CDH13: variants seen among roughly 807,000 people sequenced by gnomAD.
CDH13 encodes the protein cadherin-13.
Under a neutral mutation model 63.8 loss-of-function variants are expected in CDH13, and 24 were observed. The observed-to-expected ratio is 0.38, with a 90% confidence interval of 0.27 to 0.53. The LOEUF is 0.53. CDH13 is among the 20% of genes least tolerant of loss of function. The pLI is 0.85. For missense variants in CDH13, 1,049 were observed against 903.1 expected (o/e 1.16, Z -2.07); for synonymous variants, 503 against 355.3 (o/e 1.42, Z -4.67).
chr16:83,370,788 CA>C (rs2091352401), intron 6 of CDH13, among the ~76,000 whole-genome samples: 1 of 152,182 alleles, frequency 6.6e-6, no homozygotes, highest in African/African-American at 2.4e-5. Flanking sequence ...CATGTCACTG[CA>C]AAGGACATGA....
chr16:82,777,288 C>G (rs917402008), intron 1 of CDH13, among the ~76,000 whole-genome samples: 2 of 152,172 alleles, frequency 1.3e-5, no homozygotes, highest in Non-Finnish European at 2.9e-5. Flanking sequence ...CTTGTAGCTG[C>G]TTTATAGAAG....
chr16:83,689,058 C>G (rs966329902), intron 10 of CDH13, among the ~76,000 whole-genome samples: 1 of 152,098 alleles, frequency 6.6e-6, no homozygotes, highest in Non-Finnish European at 1.5e-5. Flanking sequence ...GGCTATTTTA[C>G]AAATCGACCA....
intron 11 of CDH13, among the ~76,000 whole-genome samples, chr16:83,768,745 TG>T (rs1432851425): frequency 1.3e-5 from 2 of 152,160 alleles, no homozygotes; most frequent in African/African-American, 4.8e-5. Context: ...CCATGGCATT[TG>T]TAAACTGTCA....
chr16:82,633,897 A>G (rs765739242), intron 1 of CDH13, among the ~76,000 whole-genome samples: 4 of 152,240 alleles, frequency 2.6e-5, no homozygotes, highest in Non-Finnish European at 5.9e-5. Context: ...CCATAGCTAC[A>G]GACCCCAAAG....
At chr16:83,729,595 C>T (rs924678891) in intron 10 of CDH13, among the ~76,000 whole-genome samples, 2 of 152,172 alleles carry the variant, frequency 1.3e-5, no homozygotes, top group African/African-American at 2.4e-5. Flanking sequence ...AGCTGTGTGT[C>T]CTGGACCCAG....
At chr16:83,446,316 AG>A (rs368667751) in intron 6 of CDH13, among the ~76,000 whole-genome samples, 5 of 150,486 alleles carry the variant, frequency 3.3e-5, no homozygotes, top group Non-Finnish European at 7.4e-5. Flanking sequence ...AAAAAAAAAA[AG>A]AAAGAAAGAA....
At chr16:83,656,828 G>A (rs762283414) in intron 8 of CDH13, among the ~76,000 whole-genome samples, 3 of 152,170 alleles carry the variant, frequency 2.0e-5, no homozygotes, top group Non-Finnish European at 2.9e-5. Context: ...AAGACAGCAT[G>A]GTGTAAGGAA....
At chr16:83,019,527 G>A (rs1168050585) in intron 2 of CDH13, among the ~76,000 whole-genome samples, 8 of 140,544 alleles carry the variant, frequency 5.7e-5, no homozygotes, top group African/African-American at 8.1e-5. Flanking sequence ...ACAGGGTCTC[G>A]CTCTGTCACC....
chr16:82,646,881 C>A (rs534698895), intron 1 of CDH13, among the ~76,000 whole-genome samples: 1 of 152,248 alleles, frequency 6.6e-6, no homozygotes, highest in Non-Finnish European at 1.5e-5. Flanking sequence ...ATACTCACAG[C>A]ACGTTCAGGG....
At chr16:82,768,295 T>C (rs549416292) in intron 1 of CDH13, among the ~76,000 whole-genome samples, 2 of 152,302 alleles carry the variant, frequency 1.3e-5, no homozygotes, top group East Asian at 3.9e-4. Context: ...ACCTGCTAGT[T>C]GATAATGATG....
intron 2 of CDH13, among the ~76,000 whole-genome samples, chr16:82,999,875 C>G (rs1912674346): frequency 6.6e-6 from 1 of 152,018 alleles, no homozygotes; most frequent in South Asian, 2.1e-4. Flanking sequence ...GCACCAGTAG[C>G]TCTAAACCCG....
chr16:83,022,479 TTGG>T (rs1413834156), intron 2 of CDH13, among the ~76,000 whole-genome samples: 8 of 152,320 alleles, frequency 5.3e-5, no homozygotes, highest in Non-Finnish European at 8.8e-5. Context: ...TGAAGGCACA[TTGG>T]TACCTTGAAA....
chr16:83,406,573 C>T (rs866241002), intron 6 of CDH13, among the ~76,000 whole-genome samples: 2 of 152,182 alleles, frequency 1.3e-5, no homozygotes, highest in African/African-American at 4.8e-5. Flanking sequence ...CAGCGATTCT[C>T]CTGCCTTAGC....
In CDH13 at chr16:83,125,430, A is replaced by T; in HGVS notation, c.412A>T (p.Arg138Trp). The change falls in exon 4 of 14, where the codon AGG (arginine) becomes TGG (tryptophan). Residue 138 changes from arginine (R) to tryptophan (W), a missense_variant. By Grantham distance (101) the Arg-to-Trp change is moderately radical. Transcript: ENST00000567109. Reference sequence around the variant, plus strand: ...AACTTCTCCTGTCCCAAGACAAAAGAGGTCCATTGTGGTATCTCCCATTTT... The same window carrying T: ...AACTTCTCCTGTCCCAAGACAAAAGTGGTCCATTGTGGTATCTCCCATTTT... The part of the protein sequence containing the change: ...ARTSPVPRQK[R>W]SIVVSPILIP... The T allele has an allele frequency of 6.2e-7, 1 of 1,611,722 alleles. No homozygotes were observed. The highest frequency in any genetic ancestry group is 8.5e-7 in the Non-Finnish European group (1 of 1,177,850).
chr16:82,866,605 G>T (rs1262169706), intron 2 of CDH13, among the ~76,000 whole-genome samples: 1 of 151,658 alleles, frequency 6.6e-6, no homozygotes, highest in African/African-American at 2.4e-5. Context: ...GGCCAGACTG[G>T]TCTCGTATTA....
intron 4 of CDH13, among the ~76,000 whole-genome samples, chr16:83,145,410 G>A (rs1408697752): frequency 6.6e-6 from 1 of 152,176 alleles, no homozygotes; most frequent in Non-Finnish European, 1.5e-5. Flanking sequence ...AAGACCAGGG[G>A]CTTTTAAACA....
At chr16:83,232,551 AAC>A (rs879912414) in intron 5 of CDH13, among the ~76,000 whole-genome samples, 12,917 of 118,438 alleles carry the variant, frequency 0.11, 768 homozygotes, top group Non-Finnish European at 0.15. Context: ...ACAACAAACA[AAC>A]AAAAAAAAAA....
intron 1 of CDH13, among the ~76,000 whole-genome samples, chr16:82,693,803 C>T (rs976211795): frequency 6.2e-4 from 95 of 152,256 alleles, no homozygotes; most frequent in African/African-American, 2.2e-3. Flanking sequence ...GCATTATTGA[C>T]CCAAGGTGCC....
intron 6 of CDH13, among the ~76,000 whole-genome samples, chr16:83,469,807 G>A (rs1199786307): frequency 1.3e-5 from 2 of 152,162 alleles, no homozygotes; most frequent in Admixed American, 6.6e-5. Flanking sequence ...GGTGGGGGAT[G>A]GGACTGACCC....
Sources: allele counts gnomAD v4.1 joint callset (sites outside exome capture counted in the v4.1 genomes callset), GRCh38; gene constraint gnomAD v4.1.1; transcripts MANE v1.5; gene names NCBI Gene and HGNC (gene_info 2026-07-23, HGNC 2026-07-21).